The following MARF1 variants were observed in gnomAD, a reference collection of about 807,000 sequenced individuals.
MARF1 encodes the protein meiosis regulator and mRNA stability factor 1.
In MARF1, 24 loss-of-function variants were observed where a neutral mutation model predicts 168.2. The ratio of observed to expected loss-of-function variants is 0.14; its 90% confidence interval spans 0.10 to 0.20. MARF1 has a LOEUF of 0.20. Ranked by LOEUF, MARF1 falls within the 10% of genes least tolerant of loss-of-function variation. The pLI is 1.00. For synonymous variants in MARF1, 868 were observed against 822.4 expected, an observed-to-expected ratio of 1.06 and a Z score of -0.95; for missense variants, 1,744 against 2,143.6, an observed-to-expected ratio of 0.81 and a Z score of 3.68.
Position 15,612,680 on chromosome 16 carries a change from A to G in MARF1, c.3351T>C (p.Cys1117=). 2 of 1,614,232 alleles carry G rather than the reference A, an allele frequency of 1.2e-6. No homozygotes were observed. Among genetic ancestry groups the G allele is most frequent in the Non-Finnish European group, 1.7e-6 (2 of 1,180,034 alleles). The change falls in exon 17 of 27, where the codon TGT becomes TGC. Residue 1117 remains cysteine (C), a synonymous_variant. Transcript: ENST00000396368. The part of the protein sequence containing the change: ...VIDLLKSQPS[C]VIPISHFIPS... Reference sequence around the variant, plus strand: ...GGATGAAATGACTGATGGGTATGACACAAGATGGCTGGCTTTTCAGCAAGT... The same window carrying G: ...GGATGAAATGACTGATGGGTATGACGCAAGATGGCTGGCTTTTCAGCAAGT...
At chr16:15,634,201 G>A (rs2035436065) in intron 4 of MARF1, among the ~76,000 whole-genome samples, 1 of 152,176 alleles carries the variant, frequency 6.6e-6, no homozygotes, top group Non-Finnish European at 1.5e-5. Context: ...CGACTTTCAA[G>A]CTTAGCCCAC....
chr16:15,616,951 G>A (rs1329932555), intron 15 of MARF1, 101 bp downstream of exon 15: 2 of 1,430,058 alleles, frequency 1.4e-6, no homozygotes, highest in Non-Finnish European at 1.9e-6. Context: ...ATGAAGCATT[G>A]TAGAGTACTT....
At chr16:15,607,815 C>T (rs920466636) in intron 21 of MARF1, among the ~76,000 whole-genome samples, 1 of 152,210 alleles carries the variant, frequency 6.6e-6, no homozygotes, top group African/African-American at 2.4e-5. Context: ...GCCCTCTCTA[C>T]TACAGCTCTG....
intron 16 of MARF1, 100 bp downstream of exon 16, chr16:15,615,730 A>C: frequency 1.1e-6 from 1 of 892,814 alleles, no homozygotes; most frequent in Non-Finnish European, 1.6e-6. Flanking sequence ...GTGTTTTCAC[A>C]CTTGGCAAAT....
Position 15,630,360 on chromosome 16 carries a change from A to G in MARF1, c.1496T>C (p.Leu499Ser). Reference sequence around the variant, plus strand: ...CATTTTTAGTGGTAACCTGGGGGGCAAGTCGGAAATGAACTCTTCAAATCT... The same window carrying G: ...CATTTTTAGTGGTAACCTGGGGGGCGAGTCGGAAATGAACTCTTCAAATCT... ...LIRFEEFISD[L>S]PPRLPLKMPQ... Residue 499 changes from leucine to serine, a missense_variant, in exon 7 of 27, where the codon TTG becomes TCG. By Grantham distance (145) the Leu-to-Ser change is moderately radical (BLOSUM62 -2). Coordinates refer to ENST00000396368, the MANE Select transcript of MARF1 (RefSeq NM_014647.4). 1.9e-6 allele frequency: 3 copies of G among 1,605,216 alleles called. No homozygotes were observed. Among genetic ancestry groups the G allele is most frequent in the Non-Finnish European group, 8.5e-7 (1 of 1,174,816 alleles).
chr16:15,620,010 G>A (rs796543748), intron 13 of MARF1, among the ~76,000 whole-genome samples: 1 of 151,922 alleles, frequency 6.6e-6, no homozygotes, highest in South Asian at 2.1e-4. Context: ...CTAAAAATAC[G>A]AAAACTTAGC....
In MARF1 at chr16:15,632,257, G is replaced by A. The variant is rs35435519; in HGVS notation, c.1234-759C>T. 3.3e-3 allele frequency among the ~76,000 whole-genome samples: 504 copies of A among 152,324 alleles called. 2 individuals are homozygous for A. The highest frequency in any genetic ancestry group is 0.01 in the Middle Eastern group (3 of 292). ...CTCTAATAGCTTCTGCCAACAATTT[G>A]GAGGTGGTAAAGATCAGACAAATGA... On this transcript the variant is annotated intron_variant, in intron 5 of 26. Transcript: ENST00000396368.
chr16:15,629,319 CCA>C (rs1378345755), intron 7 of MARF1, among the ~76,000 whole-genome samples: 3 of 152,084 alleles, frequency 2.0e-5, no homozygotes, highest in Non-Finnish European at 2.9e-5. Flanking sequence ...CCTCTGGTAT[CCA>C]CAACTCTCAA....
intron 11 of MARF1, among the ~76,000 whole-genome samples, chr16:15,622,167 A>G (rs1444989203): frequency 2.0e-5 from 3 of 152,166 alleles, no homozygotes; most frequent in Non-Finnish European, 4.4e-5. Flanking sequence ...AGGCCAACAC[A>G]TGGGAAGAGT....
At chr16:15,611,495 A>ATGCT (rs1238525906) in intron 18 of MARF1, 97 bp downstream of exon 18, 2 of 1,121,572 alleles carry the variant, frequency 1.8e-6, no homozygotes, top group East Asian at 5.2e-5. Context: ...TTCCAAAAGA[A>ATGCT]TGCTTAATAG....
intron 1 of MARF1, among the ~76,000 whole-genome samples, chr16:15,642,670 T>C (rs1307286034): frequency 6.6e-6 from 1 of 150,764 alleles, no homozygotes; most frequent in African/African-American, 2.4e-5. Context: ...GAGGGGGGAG[T>C]GTGTTGCAAA....
At chr16:15,629,152 A>C (rs1005948549) in intron 7 of MARF1, among the ~76,000 whole-genome samples, 1 of 152,098 alleles carries the variant, frequency 6.6e-6, no homozygotes, top group African/African-American at 2.4e-5. Flanking sequence ...TATTTACATA[A>C]GGCCTTCAAA....
intron 1 of MARF1, among the ~76,000 whole-genome samples, chr16:15,641,630 G>A (rs1404368634): frequency 3.3e-5 from 5 of 152,132 alleles, no homozygotes; most frequent in South Asian, 2.1e-4. Context: ...AAACCCAGAC[G>A]GTGGGATCCT....
In MARF1 at chr16:15,612,639, T is replaced by C; in HGVS notation, c.3392A>G (p.His1131Arg). ...ISHFIPSYHH[H>R]FAKQCRVSDY... is the part of the protein sequence containing the mutation. Reference sequence around the variant, plus strand: ...TGACACTCGGCACTGCTTTGCAAAATGATGGTGATAGGATGGGATGAAATG... The same window carrying C: ...TGACACTCGGCACTGCTTTGCAAAACGATGGTGATAGGATGGGATGAAATG... Residue 1131 changes from histidine (H) to arginine (R), a missense_variant, in exon 17 of 27, where the codon CAT becomes CGT. By Grantham distance (29) the His-to-Arg change is conservative. This residue lies in a region of MARF1 where 543 missense variants were observed against 742.1 expected (regional missense o/e 0.73). Transcript: ENST00000396368. The C allele has an allele frequency of 6.2e-7, 1 of 1,614,098 alleles. No individual in the cohort carries two copies. The highest frequency in any genetic ancestry group is 8.5e-7 in the Non-Finnish European group (1 of 1,180,016).
chr16:15,602,248 C>T, intron 22 of MARF1, 45 bp from the exon 23 acceptor site: 7 of 1,541,446 alleles, frequency 4.5e-6, no homozygotes, highest in Non-Finnish European at 6.3e-6. Flanking sequence ...AGTGACTGGC[C>T]CTGCCCCGTG....
chr16:15,625,106 A>G lies in MARF1; in HGVS notation c.2021T>C (p.Leu674Pro). ...TGAGTTACCGTGAGTGGGTACGACC[A>G]GCCTCAGGTGACCTTGCTGGTGCTC... The part of the protein sequence containing the change: ...NSEHQQGHLR[L>P]VVPTHGNSSA... The change falls in exon 9 of 27, where the codon CTG (leucine) becomes CCG (proline). Residue 674 changes from leucine to proline, a missense_variant. Physicochemically the swap from Leu to Pro is moderately conservative, Grantham distance 98. Around this residue, in one of 7 missense-constraint regions of MARF1, gnomAD observed 270 missense variants for 260.6 expected, o/e 1.04. Transcript: ENST00000396368. The G allele has an allele frequency of 1.2e-6, 2 of 1,614,190 alleles. No homozygotes were observed. The highest frequency in any genetic ancestry group is 1.6e-4 in the Middle Eastern group (1 of 6,062).
chr16:15,624,877 T>C lies in MARF1; in HGVS notation c.2162A>G (p.Lys721Arg). The C allele has an allele frequency of 6.2e-7, 1 of 1,614,170 alleles. No homozygotes were observed. The highest frequency in any genetic ancestry group is 8.5e-7 in the Non-Finnish European group (1 of 1,180,042). ...RSVTSSPVEK[K>R]DKEETVFQVS... Reference sequence around the variant, plus strand: ...TTGGAATACAGTCTCCTCTTTATCTTTTTTCTCTACAGGAGAACTGGTAAC... The same window carrying C: ...TTGGAATACAGTCTCCTCTTTATCTCTTTTCTCTACAGGAGAACTGGTAAC... The change falls in exon 10 of 27, where the codon AAA becomes AGA. Residue 721 changes from lysine to arginine, a missense_variant. Coordinates refer to ENST00000396368, the MANE Select transcript of MARF1 (RefSeq NM_014647.4).
chr16:15,596,697 A>C lies in MARF1; in HGVS notation c.5225T>G (p.Leu1742Arg). 6.3e-7 allele frequency: 1 copy of C among 1,583,892 alleles called. No individual in the cohort carries two copies. The highest frequency in any genetic ancestry group is 8.6e-7 in the Non-Finnish European group (1 of 1,159,400). ...ANFSLAPITK[L>R] The stretch of plus-strand genomic sequence containing the variant: ...ATTCTATATTCCAAATGGGAGTTAA[A>C]GCTTGGTTATAGGTGCTAAGGAAAA... The change falls in exon 27 of 27, where the codon CTT becomes CGT. Residue 1742 changes from leucine to arginine, a missense_variant. By Grantham distance (102) the Leu-to-Arg change is moderately radical. Coordinates refer to ENST00000396368, the MANE Select transcript of MARF1 (RefSeq NM_014647.4).
rs151220789 is a variant in MARF1 at position 15,629,532 on chromosome 16, T to C, written c.1524+800A>G. ...TAAATGAAGACTTTGCATGAGATCA[T>C]GTCTAACGTACTTCTGTAACTCTCA... On this transcript the variant is annotated intron_variant, in intron 7 of 26. Coordinates refer to ENST00000396368, the MANE Select transcript of MARF1 (RefSeq NM_014647.4). Among the ~76,000 whole-genome samples, 1,236 of 152,340 alleles carry C rather than the reference T, an allele frequency of 8.1e-3. 16 individuals carry two copies. Among genetic ancestry groups the C allele is most frequent in the African/African-American group, 0.026 (1,100 of 41,578 alleles).
Sources: allele counts gnomAD v4.1 joint callset (sites outside exome capture counted in the v4.1 genomes callset), GRCh38; gene constraint gnomAD v4.1.1; regional missense constraint gnomAD v4.1.1; transcripts MANE v1.5; gene names NCBI Gene and HGNC (gene_info 2026-07-23, HGNC 2026-07-21).